ALK: variants seen among roughly 807,000 people sequenced by gnomAD.
The protein encoded by ALK is ALK tyrosine kinase receptor.
Under a neutral mutation model 163.1 loss-of-function variants are expected in ALK, and 74 were observed. That is an observed-to-expected ratio of 0.45 (90% CI 0.38 to 0.55). The LOEUF (loss-of-function observed/expected upper bound fraction) is 0.55, where lower values mean the gene tolerates loss of function less well. Ranked by LOEUF, ALK falls within the 20% of genes least tolerant of loss-of-function variation. The probability of loss-of-function intolerance (pLI) is 0.00; values close to 1 mark genes in which losing one functional copy is unlikely to be tolerated. For missense variants in ALK, 2,063 were observed against 2,105.3 expected (o/e 0.98, Z 0.39); for synonymous variants, 960 against 843.2 (o/e 1.14, Z -2.40).
intron 3 of ALK, among the ~76,000 whole-genome samples, chr2:29,572,664 T>C (rs1674409099): frequency 6.6e-6 from 1 of 152,190 alleles, no homozygotes; most frequent in East Asian, 1.9e-4. Context: ...TGATCCCCTT[T>C]CTACTGTCAT....
intron 1 of ALK, among the ~76,000 whole-genome samples, chr2:29,912,387 A>C (rs1281264999): frequency 1.3e-5 from 2 of 152,226 alleles, no homozygotes; most frequent in Non-Finnish European, 1.5e-5. Context: ...CAGATTGCTC[A>C]TCACAAACTA....
At chr2:29,499,601 C>T (rs1236003481) in intron 4 of ALK, among the ~76,000 whole-genome samples, 1 of 152,166 alleles carries the variant, frequency 6.6e-6, no homozygotes, top group Admixed American at 6.5e-5. Context: ...TCTAGACCCT[C>T]TCGCCTCCCT....
intron 14 of ALK, among the ~76,000 whole-genome samples, 200 bp downstream of exon 14, chr2:29,233,365 T>C (rs1664271991): frequency 6.6e-6 from 1 of 152,206 alleles, no homozygotes; most frequent in African/African-American, 2.4e-5. Flanking sequence ...AAGCTGATCG[T>C]GAATTCCTGA....
chr2:29,594,445 T>C (rs1337811403), intron 3 of ALK, among the ~76,000 whole-genome samples: 1 of 150,962 alleles, frequency 6.6e-6, no homozygotes, highest in Non-Finnish European at 1.5e-5. Context: ...TTTTTTTTTT[T>C]TGAGATGGAG....
intron 3 of ALK, among the ~76,000 whole-genome samples, chr2:29,640,909 C>T (rs1178797378): frequency 2.0e-5 from 3 of 152,076 alleles, no homozygotes; most frequent in Non-Finnish European, 4.4e-5. Flanking sequence ...AACTAAACAG[C>T]TAGGGAAAGA....
At chr2:29,402,258 T>G (rs1573321817) in intron 4 of ALK, among the ~76,000 whole-genome samples, 1 of 152,176 alleles carries the variant, frequency 6.6e-6, no homozygotes, top group Middle Eastern at 3.4e-3. Flanking sequence ...GGGCTGGGAG[T>G]TTATGGGCTG....
chr2:29,596,693 T>G (rs953855332), intron 3 of ALK, among the ~76,000 whole-genome samples: 9 of 152,186 alleles, frequency 5.9e-5, no homozygotes, highest in African/African-American at 2.2e-4. Context: ...TGAAAGGGAC[T>G]GGAAGCAAAA....
chr2:29,292,020 C>G (rs1666037782), intron 9 of ALK, among the ~76,000 whole-genome samples: 1 of 152,198 alleles, frequency 6.6e-6, no homozygotes, highest in African/African-American at 2.4e-5. Flanking sequence ...CTCAGTTTAA[C>G]CCATCTCATT....
intron 3 of ALK, among the ~76,000 whole-genome samples, chr2:29,570,579 G>GGA (rs1259926461): frequency 6.6e-6 from 1 of 152,238 alleles, no homozygotes. Context: ...AGGGTCTGCA[G>GGA]GAGCAGGCTC....
At chr2:29,895,203 T>A (rs930254420) in intron 1 of ALK, among the ~76,000 whole-genome samples, 3 of 152,228 alleles carry the variant, frequency 2.0e-5, no homozygotes, top group African/African-American at 2.4e-5. Flanking sequence ...TCTAGAATGA[T>A]GTAAAACCTT....
intron 24 of ALK, among the ~76,000 whole-genome samples, chr2:29,213,570 G>A (rs954814113): frequency 1.3e-5 from 2 of 152,204 alleles, no homozygotes; most frequent in Non-Finnish European, 2.9e-5. Flanking sequence ...ACAGGCAGGG[G>A]TCCTCACAGG....
intron 1 of ALK, among the ~76,000 whole-genome samples, chr2:29,910,324 A>C (rs1312570785): frequency 6.6e-6 from 1 of 152,160 alleles, no homozygotes; most frequent in Non-Finnish European, 1.5e-5. Flanking sequence ...TGCAGACTGA[A>C]ATACAGAGAG....
intron 1 of ALK, among the ~76,000 whole-genome samples, chr2:29,728,722 A>C (rs1679645889): frequency 6.6e-6 from 1 of 152,188 alleles, no homozygotes; most frequent in Admixed American, 6.5e-5. Context: ...GGTCTATTCC[A>C]ACTCAAGTCT....
At chr2:29,763,044 G>A (rs367652059) in intron 1 of ALK, among the ~76,000 whole-genome samples, 35 of 143,724 alleles carry the variant, frequency 2.4e-4, no homozygotes, top group African/African-American at 7.0e-4. Flanking sequence ...CCGAGATCGC[G>A]CCACTGCACT....
chr2:29,555,152 T>C (rs1330549834), intron 3 of ALK, among the ~76,000 whole-genome samples: 1 of 152,122 alleles, frequency 6.6e-6, no homozygotes. Context: ...CACCCTGAAT[T>C]CTTCTTGTAT....
At chr2:29,736,124 T>C (rs1042544768) in intron 1 of ALK, among the ~76,000 whole-genome samples, 4 of 152,132 alleles carry the variant, frequency 2.6e-5, no homozygotes, top group East Asian at 1.9e-4. Context: ...ATGTAGTTCA[T>C]TTCCATGATG....
intron 3 of ALK, among the ~76,000 whole-genome samples, chr2:29,620,785 A>G (rs1348185230): frequency 6.6e-6 from 1 of 152,232 alleles, no homozygotes; most frequent in African/African-American, 2.4e-5. Context: ...ATAAACACTA[A>G]GAAATAATAA....
In ALK at chr2:29,214,091, G is replaced by A. The variant is rs2148159614; in HGVS notation, c.3646-10C>T. On this transcript the variant is annotated splice_polypyrimidine_tract_variant and intron_variant, in intron 23 of 28. Transcript: ENST00000389048. ...GGGAGGAGGGCTGGCTCTGTGGGGA[G>A]ACAGAAGCGGGCCACTGACGAGGAG... 6.2e-7 allele frequency: 1 copy of A among 1,612,706 alleles called. No homozygotes were observed. Among genetic ancestry groups the A allele is most frequent in the Non-Finnish European group, 8.5e-7 (1 of 1,178,776 alleles).
At chr2:29,517,378 TATATTAAAATAGACGGA>T (rs1672700993) in intron 4 of ALK, among the ~76,000 whole-genome samples, 1 of 152,064 alleles carries the variant, frequency 6.6e-6, no homozygotes, top group Non-Finnish European at 1.5e-5. Context: ...TCTCTGAACA[TATATTAAAATAGACGGA>T]ATAGATTCAA....
Sources: allele counts gnomAD v4.1 joint callset (sites outside exome capture counted in the v4.1 genomes callset), GRCh38; gene constraint gnomAD v4.1.1; transcripts MANE v1.5; gene names NCBI Gene and HGNC (gene_info 2026-07-23, HGNC 2026-07-21).